RGS5: variants seen among roughly 807,000 people sequenced by gnomAD.
The protein encoded by RGS5 is regulator of G-protein signalling 5.
Under a neutral mutation model 18.9 loss-of-function variants are expected in RGS5, and 20 were observed. The ratio of observed to expected loss-of-function variants is 1.06; its 90% CI spans 0.74 to 1.54. The LOEUF is 1.54. Ranked by LOEUF, RGS5 falls within the 40% of genes most tolerant of loss-of-function variation. The pLI is 0.00. For missense variants in RGS5, 201 were observed against 211.8 expected (o/e 0.95, Z 0.32); for synonymous variants, 57 against 76.2 (o/e 0.75, Z 1.31).
At chr1:163,198,319 C>A (rs1453324264) in intron 1 of RGS5, among the ~76,000 whole-genome samples, 1 of 152,082 alleles carries the variant, frequency 6.6e-6, no homozygotes, top group Non-Finnish European at 1.5e-5. Context: ...ACACATTATA[C>A]CCTTAGCCCT....
intron 2 of RGS5, among the ~76,000 whole-genome samples, chr1:163,251,262 GAAGTATATAAACAATCCCAAATC>G (rs2101698329): frequency 1.3e-5 from 2 of 152,134 alleles, no homozygotes; most frequent in South Asian, 2.1e-4. Context: ...CAGTGGAGTG[GAAGTATATAAACAATCCCAAATC>G]AAGACATAGA....
intron 2 of RGS5, among the ~76,000 whole-genome samples, chr1:163,248,124 A>AACACT (rs1647995203): frequency 6.6e-6 from 1 of 152,224 alleles, no homozygotes; most frequent in African/African-American, 2.4e-5. Flanking sequence ...TGACAGTGTT[A>AACACT]GTAAGAGCAA....
intron 2 of RGS5, chr1:163,304,792 G>T (rs1216396940): frequency 6.6e-6 from 1 of 152,208 alleles, no homozygotes; most frequent in Non-Finnish European, 1.5e-5. Flanking sequence ...ATTCTTCAAT[G>T]ATTACCAGGG....
At chr1:163,245,944 T>G (rs527797651) in intron 2 of RGS5, among the ~76,000 whole-genome samples, 13 of 152,300 alleles carry the variant, frequency 8.5e-5, no homozygotes, top group African/African-American at 2.4e-4. Context: ...GTCCGGGGGC[T>G]GTGGCTCACG....
intron 1 of RGS5, among the ~76,000 whole-genome samples, chr1:163,188,067 G>A (rs1328438592): frequency 6.6e-6 from 1 of 152,018 alleles, no homozygotes; most frequent in Non-Finnish European, 1.5e-5. Flanking sequence ...GAGAGCAGAC[G>A]GAAAATACGG....
chr1:163,219,255 C>T (rs74423273), upstream of RGS5, among the ~76,000 whole-genome samples: 1,380 of 152,214 alleles, frequency 9.1e-3, 22 homozygotes, highest in African/African-American at 0.032. Flanking sequence ...GCCTGTTCTC[C>T]CTCTTTGTCC....
intron 2 of RGS5, among the ~76,000 whole-genome samples, chr1:163,261,771 T>C (rs1221681512): frequency 2.0e-5 from 3 of 152,240 alleles, no homozygotes; most frequent in Non-Finnish European, 2.9e-5. Context: ...TGTTGGCTTA[T>C]ATAGAACTAT....
In RGS5 at chr1:163,147,168, A is replaced by G. The variant is rs1033394572; in HGVS notation, c.*174T>C. On this transcript the variant is annotated 3_prime_UTR_variant, in exon 5 of 5. Transcript: ENST00000313961. ...TGGGGAAAGAAGGCCTTCGGACAGT[A>G]GATAAGTATCCAAAGCAGTGTGGGC... 10 of 527,760 alleles carry G rather than the reference A, an allele frequency of 1.9e-5. No homozygotes were observed. In the African/African-American group the frequency reaches 2.0e-4, roughly 10 times the overall value. 32.7% of individuals were successfully genotyped at this position (527,760 alleles called of 1,614,324 possible).
chr1:163,198,620 T>C (rs977505582), intron 1 of RGS5, among the ~76,000 whole-genome samples: 2 of 152,102 alleles, frequency 1.3e-5, no homozygotes, highest in Non-Finnish European at 2.9e-5. Context: ...ATTAGTATTA[T>C]CAGTTTTTTA....
chr1:163,274,211 C>T (rs1001740117), intron 2 of RGS5, among the ~76,000 whole-genome samples: 16 of 152,006 alleles, frequency 1.1e-4, no homozygotes, highest in Non-Finnish European at 2.2e-4. Flanking sequence ...AGTGGGACTA[C>T]CAGATAGCCT....
chr1:163,143,870 GT>G lies in RGS5; in HGVS notation c.*3471del, dbSNP rs1307258411. 5 of 152,034 alleles carry G rather than the reference GT, an allele frequency of 3.3e-5. No individual in the cohort carries two copies. The highest frequency in any genetic ancestry group is 4.1e-4 in the South Asian group (2 of 4,824). 9.4% of individuals were successfully genotyped at this position (152,034 alleles called of 1,614,324 possible). A position where few individuals can be genotyped will look rare whatever the true frequency, so the allele number is the denominator to read the frequency against. On this transcript the variant is annotated 3_prime_UTR_variant, in exon 5 of 5. Transcript: ENST00000313961. ...TATTAATTTATTTGTTAATGGCCCA[GT>G]TTTTATTGAAACTTTTGCATGTCTA...
chr1:163,185,204 T>G (rs998405140), intron 1 of RGS5, among the ~76,000 whole-genome samples: 3 of 151,976 alleles, frequency 2.0e-5, no homozygotes, highest in African/African-American at 7.3e-5. Flanking sequence ...TAGTCTTTAT[T>G]TACACACACA....
In RGS5 at chr1:163,288,023, C is replaced by T. The variant is rs554716167; in HGVS notation, c.-281+18210G>A. Among the ~76,000 whole-genome samples the T allele has an allele frequency of 2.0e-5, 3 of 152,208 alleles. No homozygotes were observed. The South Asian group carries it at 6.2e-4, about 32-fold the overall frequency. On this transcript the variant is annotated intron_variant, in intron 2 of 5. Transcript: ENST00000618415. ...ATTTCTAATAATCTCGATAGTTGAG[C>T]ATATTGTAAAACATACAGCCAGAAA...
intron 2 of RGS5, among the ~76,000 whole-genome samples, chr1:163,236,463 A>T (rs573372779): frequency 8.4e-4 from 128 of 152,328 alleles, no homozygotes; most frequent in Non-Finnish European, 1.5e-3. Context: ...ATGACTATAA[A>T]TGTGAATGGC....
intron 1 of RGS5, among the ~76,000 whole-genome samples, chr1:163,310,711 T>C (rs1649833454): frequency 6.6e-6 from 1 of 152,200 alleles, no homozygotes; most frequent in Admixed American, 6.5e-5. Flanking sequence ...TGTTGCAGCT[T>C]CTGCCTTAGC....
At chr1:163,197,409 G>C (rs1030742358) in intron 1 of RGS5, among the ~76,000 whole-genome samples, 1 of 151,996 alleles carries the variant, frequency 6.6e-6, no homozygotes, top group Non-Finnish European at 1.5e-5. Context: ...AAAGCTCTAG[G>C]GGCCCCGCCT....
chr1:163,240,826 A>C (rs541346094), intron 2 of RGS5, among the ~76,000 whole-genome samples: 3 of 152,284 alleles, frequency 2.0e-5, no homozygotes, highest in Non-Finnish European at 4.4e-5. Context: ...CAAAATAGAA[A>C]TACTCTGTAT....
At chr1:163,163,598 C>T (rs1405572497) in intron 2 of RGS5, among the ~76,000 whole-genome samples, 1 of 152,184 alleles carries the variant, frequency 6.6e-6, no homozygotes, top group Non-Finnish European at 1.5e-5. Flanking sequence ...CTCCTCTTGG[C>T]TCTTTTATAT....
intron 1 of RGS5, among the ~76,000 whole-genome samples, chr1:163,192,779 C>A (rs1659410433): frequency 6.6e-6 from 1 of 152,214 alleles, no homozygotes; most frequent in Non-Finnish European, 1.5e-5. Flanking sequence ...ATCAGACCAC[C>A]AGATCCTCTG....
Sources: gnomAD v4.1 joint callset for allele counts (sites outside exome capture counted in the v4.1 genomes callset) on GRCh38, gnomAD v4.1.1 for gene constraint, MANE v1.5 for transcripts, NCBI Gene and HGNC (gene_info 2026-07-23, HGNC 2026-07-21) for gene names.